Variants in OR14I1 observed in about 807,000 individuals in gnomAD.
OR14I1 encodes the protein olfactory receptor family 14 subfamily I member 1.
For synonymous variants in OR14I1, 118 were observed against 71.1 expected (o/e 1.66, Z -3.32); for missense variants, 279 against 181.8 (o/e 1.53, Z -3.07).
the OR14I1 span, among the ~76,000 whole-genome samples, chr1:248,693,389 A>G: frequency 6.6e-6 from 1 of 152,200 alleles, no homozygotes; most frequent in Non-Finnish European, 1.5e-5. Context: ...GACTGAAAAT[A>G]GACTCACCAC....
upstream of OR14I1, among the ~76,000 whole-genome samples, chr1:248,682,528 T>C (rs1401559359): frequency 6.6e-6 from 1 of 152,246 alleles, no homozygotes; most frequent in East Asian, 1.9e-4. Context: ...AACCAATTTC[T>C]AAAAGCTTTT....
At chr1:248,689,541 A>G in the OR14I1 span, among the ~76,000 whole-genome samples, 3 of 152,196 alleles carry the variant, frequency 2.0e-5, no homozygotes, top group Non-Finnish European at 4.4e-5. Flanking sequence ...CATAATCTTC[A>G]GTTGCAGCGT....
the OR14I1 span, chr1:248,691,770 C>T: frequency 1.3e-5 from 2 of 152,426 alleles, no homozygotes; most frequent in African/African-American, 2.4e-5. Flanking sequence ...CCGGCCAACC[C>T]GCCTGTCCCG....
chr1:248,680,589 G>A (rs1428622440), downstream of OR14I1, among the ~76,000 whole-genome samples: 2 of 152,170 alleles, frequency 1.3e-5, no homozygotes, highest in Non-Finnish European at 1.5e-5. Flanking sequence ...ACAAAATAAT[G>A]ACAATGGCGA....
chr1:248,686,916 T>C (rs943781562), upstream of OR14I1, among the ~76,000 whole-genome samples: 3 of 152,208 alleles, frequency 2.0e-5, no homozygotes, highest in Admixed American at 1.3e-4. Flanking sequence ...ACCTGATGTA[T>C]AATATATCAA....
upstream of OR14I1, among the ~76,000 whole-genome samples, chr1:248,685,158 T>G (rs1042421493): frequency 6.6e-6 from 1 of 151,968 alleles, no homozygotes; most frequent in Non-Finnish European, 1.5e-5. Flanking sequence ...TTTGACATTA[T>G]AGATTAAATA....
the OR14I1 span, among the ~76,000 whole-genome samples, chr1:248,689,910 A>G: frequency 6.6e-6 from 1 of 152,248 alleles, no homozygotes; most frequent in Non-Finnish European, 1.5e-5. Context: ...ATTAGAACTC[A>G]GGATTAAGAA....
chr1:248,685,835 T>C (rs1306871552), upstream of OR14I1, among the ~76,000 whole-genome samples: 3 of 151,402 alleles, frequency 2.0e-5, no homozygotes, highest in Non-Finnish European at 4.4e-5. Flanking sequence ...TTACTGTTTA[T>C]TGAAAAGTTA....
chr1:248,690,537 C>T, the OR14I1 span, among the ~76,000 whole-genome samples: 13 of 124,010 alleles, frequency 1.0e-4, no homozygotes, highest in African/African-American at 3.0e-4. Flanking sequence ...AGGAAGAAGT[C>T]GAATCCCTCA....
At chr1:248,695,424 G>A in the OR14I1 span, among the ~76,000 whole-genome samples, 3 of 151,810 alleles carry the variant, frequency 2.0e-5, no homozygotes, top group East Asian at 1.9e-4. Flanking sequence ...TAGTAGAGAC[G>A]GGGTTTCAAC....
At chr1:248,689,946 T>G in the OR14I1 span, among the ~76,000 whole-genome samples, 1 of 152,128 alleles carries the variant, frequency 6.6e-6, no homozygotes, top group Non-Finnish European at 1.5e-5. Context: ...CACAACTACA[T>G]GGAAACTGAA....
the OR14I1 span, among the ~76,000 whole-genome samples, chr1:248,700,339 C>T: frequency 4.6e-5 from 7 of 152,200 alleles, no homozygotes; most frequent in Non-Finnish European, 8.8e-5. Context: ...GCGTGTAAAA[C>T]AGAAGATTGT....
chr1:248,700,331 G>A, the OR14I1 span, among the ~76,000 whole-genome samples: 4 of 152,290 alleles, frequency 2.6e-5, no homozygotes, highest in South Asian at 2.1e-4. Context: ...CAACTATAGC[G>A]TGTAAAACAG....
chr1:248,690,619 A>T, the OR14I1 span, among the ~76,000 whole-genome samples: 1 of 44,762 alleles, frequency 2.2e-5, no homozygotes, highest in African/African-American at 5.3e-5. Context: ...AAAAAAAAAA[A>T]AAAAGCCCAG....
At chr1:248,680,973 T>C (rs888202478), downstream of OR14I1, among the ~76,000 whole-genome samples, 10 of 150,124 alleles carry the variant, frequency 6.7e-5, no homozygotes, top group Non-Finnish European at 9.0e-5. Flanking sequence ...TGTGCGTGTG[T>C]GTGTGTGTGT....
rs374606822 is a variant in OR14I1 at position 248,681,611 on chromosome 1, G to C, written c.694C>G (p.Arg232Gly). 6.3e-5 allele frequency: 49 copies of C among 781,018 alleles called. No individual in the cohort carries two copies. In the African/African-American group the frequency reaches 7.3e-4, roughly 12 times the overall value. The allele number at this position is 781,018 out of a possible 1,614,324, so 48.4% of individuals were successfully genotyped here. A position where few individuals can be genotyped will look rare whatever the true frequency, so the allele number is the denominator to read the frequency against. Residue 232 changes from arginine to glycine, a missense_variant, in exon 1 of 1, where the codon CGA becomes GGA. By Grantham distance (125) the Arg-to-Gly change is moderately radical. Coordinates refer to ENST00000342623, the Ensembl canonical transcript of OR14I1. ...GAGCAGGTGGAGAAGGCTTTTGCTC[G>C]ACTCTGTCCTGAAGGGATTCTGAGC...
At chr1:248,681,871 G>A (rs535902636) in exon 1 of OR14I1, 15 of 781,074 alleles carry the variant, frequency 1.9e-5, no homozygotes, top group South Asian at 1.7e-4. Context: ...TAGCCAGGTG[G>A]TGACTGCCAT....
At chr1:248,696,492 A>G in the OR14I1 span, among the ~76,000 whole-genome samples, 1 of 152,184 alleles carries the variant, frequency 6.6e-6, no homozygotes, top group Non-Finnish European at 1.5e-5. Context: ...TCTGTTCACT[A>G]GGACATTATT....
chr1:248,688,545 G>C, the OR14I1 span, among the ~76,000 whole-genome samples: 487 of 152,298 alleles, frequency 3.2e-3, 1 homozygote, highest in Non-Finnish European at 6.0e-3. Context: ...CTGAAGACTA[G>C]AACAAATATT....
Sources: gnomAD v4.1 joint callset for allele counts (sites outside exome capture counted in the v4.1 genomes callset) on GRCh38, gnomAD v4.1.1 for gene constraint, MANE v1.5 for transcripts, NCBI Gene and HGNC (gene_info 2026-07-23, HGNC 2026-07-21) for gene names.